The following PHKB variants were observed in gnomAD, a reference collection of about 807,000 sequenced individuals.
PHKB encodes phosphorylase kinase regulatory subunit beta, also known as phosphorylase b kinase regulatory subunit beta.
Under a neutral mutation model 152.1 loss-of-function variants are expected in PHKB, and 122 were observed. That is an observed-to-expected ratio of 0.80 (90% CI 0.69 to 0.93). The LOEUF (loss-of-function observed/expected upper bound fraction) is 0.93, where lower values mean the gene tolerates loss of function less well. PHKB is among the 40% of genes least tolerant of loss of function. The pLI, the probability that PHKB is intolerant of heterozygous loss-of-function variation, is 0.00. For missense variants in PHKB, 1,304 were observed against 1,328.4 expected, an observed-to-expected ratio of 0.98 and a Z score of 0.29; for synonymous variants, 436 against 464.9, an observed-to-expected ratio of 0.94 and a Z score of 0.80.
chr16:47,667,878 T>C (rs928288937), intron 25 of PHKB, among the ~76,000 whole-genome samples: 7 of 152,202 alleles, frequency 4.6e-5, no homozygotes, highest in African/African-American at 1.7e-4. Flanking sequence ...ATCCTGCTCC[T>C]ACATCCTGGA....
chr16:47,596,485 A>C lies in PHKB; in HGVS notation c.1317A>C (p.Lys439Asn). The change falls in exon 13 of 31, where the codon AAA becomes AAC. Residue 439 changes from lysine (K) to asparagine (N), a missense_variant. Physicochemically the swap from Lys to Asn is moderately conservative, Grantham distance 94. Coordinates refer to ENST00000323584, the MANE Select transcript of PHKB (RefSeq NM_000293.3). ...CTAGCAACTGTGGCCGTGATGGAAAACTGTTTCTTTGGGGACAAGCACTTT... is the reference window on the plus strand; with the variant it reads ...CTAGCAACTGTGGCCGTGATGGAAACCTGTTTCTTTGGGGACAAGCACTTT... ...RFPSNCGRDG[K>N]LFLWGQALYI... The C allele has an allele frequency of 6.2e-7, 1 of 1,614,018 alleles. No individual in the cohort carries two copies. Among genetic ancestry groups the C allele is most frequent in the Non-Finnish European group, 8.5e-7 (1 of 1,179,878 alleles).
intron 14 of PHKB, 116 bp downstream of exon 14, chr16:47,611,036 T>G (rs931470916): frequency 6.9e-6 from 5 of 722,582 alleles, no homozygotes; most frequent in Non-Finnish European, 1.3e-5. Flanking sequence ...GAAAGGTTTC[T>G]CCCTCTTCTG....
At chr16:47,684,618 T>C (rs1973927752) in intron 26 of PHKB, among the ~76,000 whole-genome samples, 1 of 151,864 alleles carries the variant, frequency 6.6e-6, no homozygotes, top group South Asian at 2.1e-4. Flanking sequence ...ATACAAAAAA[T>C]TAGCTGGGCG....
At chr16:47,676,560 T>A (rs1376990051) in intron 26 of PHKB, among the ~76,000 whole-genome samples, 1 of 152,224 alleles carries the variant, frequency 6.6e-6, no homozygotes, top group African/African-American at 2.4e-5. Context: ...CTACTCTCTC[T>A]TAGTGTTTTT....
intron 14 of PHKB, among the ~76,000 whole-genome samples, chr16:47,617,899 A>G (rs1279212476): frequency 6.6e-6 from 1 of 152,248 alleles, no homozygotes; most frequent in African/African-American, 2.4e-5. Flanking sequence ...TTGCAGTGGA[A>G]GCCTTAACTC....
intron 16 of PHKB, among the ~76,000 whole-genome samples, chr16:47,644,169 A>G (rs186726470): frequency 2.0e-5 from 3 of 152,144 alleles, no homozygotes; most frequent in African/African-American, 7.2e-5. Flanking sequence ...TGAAAATTTG[A>G]AACTATTAAT....
intron 1 of PHKB, among the ~76,000 whole-genome samples, chr16:47,488,835 T>G (rs1970095708): frequency 6.6e-6 from 1 of 152,206 alleles, no homozygotes; most frequent in Non-Finnish European, 1.5e-5. Context: ...CCATGCTGTT[T>G]TGGTTACCGT....
intron 28 of PHKB, among the ~76,000 whole-genome samples, 167 bp downstream of exon 28, chr16:47,693,674 T>A (rs1974102055): frequency 6.6e-6 from 1 of 152,146 alleles, no homozygotes; most frequent in East Asian, 1.9e-4. Context: ...GGATTGAAAA[T>A]TTTTTTCCCC....
chr16:47,548,181 C>T (rs1404504085), intron 7 of PHKB: 1 of 152,472 alleles, frequency 6.6e-6, no homozygotes, highest in Non-Finnish European at 1.5e-5. Context: ...TAGTTTTATG[C>T]CTAGGAGATC....
At chr16:47,511,154 T>C (rs879325955) in intron 4 of PHKB, among the ~76,000 whole-genome samples, 1 of 152,168 alleles carries the variant, frequency 6.6e-6, no homozygotes, top group Non-Finnish European at 1.5e-5. Flanking sequence ...ACAATATATA[T>C]GGAAGGGGAA....
chr16:47,621,745 T>G (rs1972621554), intron 14 of PHKB, among the ~76,000 whole-genome samples: 1 of 152,186 alleles, frequency 6.6e-6, no homozygotes, highest in South Asian at 2.1e-4. Context: ...CAAAGATGCT[T>G]CTGAGAGAGC....
At chr16:47,619,198 C>T (rs1040855643) in intron 14 of PHKB, 2 of 152,064 alleles carry the variant, frequency 1.3e-5, no homozygotes, top group Non-Finnish European at 2.9e-5. Context: ...AGTGACAGAA[C>T]CAATATGAAG....
At chr16:47,463,933 T>C in intron 1 of PHKB, 1 of 1,614,124 alleles carries the variant, frequency 6.2e-7, no homozygotes, top group Non-Finnish European at 8.5e-7. Context: ...GAGCCAACAA[T>C]TTGAAATGGC....
chr16:47,663,132 T>G (rs1973472221), intron 23 of PHKB, among the ~76,000 whole-genome samples: 1 of 152,184 alleles, frequency 6.6e-6, no homozygotes, highest in Non-Finnish European at 1.5e-5. Context: ...TATCATTGTT[T>G]TCTTTTTGGC....
chr16:47,689,693 T>C (rs898526548), intron 27 of PHKB, among the ~76,000 whole-genome samples: 5 of 152,202 alleles, frequency 3.3e-5, no homozygotes, highest in Non-Finnish European at 7.4e-5. Flanking sequence ...ATTACAGAAA[T>C]AGCTTTAATG....
chr16:47,618,075 C>T (rs545559383), intron 14 of PHKB, among the ~76,000 whole-genome samples: 1 of 152,306 alleles, frequency 6.6e-6, no homozygotes, highest in South Asian at 2.1e-4. Context: ...TCCAGTGCCC[C>T]TCTGGGGCCC....
At chr16:47,689,911 A>G (rs990413173) in intron 27 of PHKB, among the ~76,000 whole-genome samples, 1 of 152,254 alleles carries the variant, frequency 6.6e-6, no homozygotes, top group South Asian at 2.1e-4. Flanking sequence ...TTCAATTCCA[A>G]TAACATTCAA....
chr16:47,665,074 G>A, intron 25 of PHKB, 99 bp downstream of exon 25: 1 of 771,324 alleles, frequency 1.3e-6, no homozygotes, highest in Non-Finnish European at 2.3e-6. Flanking sequence ...TAGTGTGTGG[G>A]TGAAAGCTTC....
At chr16:47,593,358 T>G (rs1972064204) in intron 10 of PHKB, 142 bp from the exon 11 acceptor site, 1 of 594,540 alleles carries the variant, frequency 1.7e-6, no homozygotes, top group Non-Finnish European at 3.0e-6. Context: ...AAGGATCCCT[T>G]GAGCCCAGGA....
Sources: gnomAD v4.1 joint callset for allele counts (sites outside exome capture counted in the v4.1 genomes callset) on GRCh38, gnomAD v4.1.1 for gene constraint, MANE v1.5 for transcripts, NCBI Gene and HGNC (gene_info 2026-07-23, HGNC 2026-07-21) for gene names.